Variants in CNTNAP2 observed in about 807,000 individuals in gnomAD.
CNTNAP2 encodes contactin-associated protein-like 2.
Under a neutral mutation model 155.2 loss-of-function variants are expected in CNTNAP2, and 98 were observed. That is an observed-to-expected ratio of 0.63 (90% CI 0.54 to 0.75). The LOEUF is 0.75. Ranked by LOEUF, CNTNAP2 falls within the 30% of genes least tolerant of loss-of-function variation. The pLI is 0.00. For missense variants in CNTNAP2, 1,727 were observed against 1,688.1 expected (o/e 1.02, Z -0.40); for synonymous variants, 651 against 631.2 (o/e 1.03, Z -0.47).
intron 8 of CNTNAP2, among the ~76,000 whole-genome samples, chr7:147,291,307 C>T (rs988858033): frequency 1.3e-5 from 2 of 152,048 alleles, no homozygotes; most frequent in Non-Finnish European, 2.9e-5. Flanking sequence ...TGTCCTAATG[C>T]TCTCCCTCCC....
intron 2 of CNTNAP2, among the ~76,000 whole-genome samples, chr7:146,784,982 TTTTTTTC>T (rs1338701751): frequency 1.3e-5 from 2 of 152,018 alleles, no homozygotes; most frequent in African/African-American, 4.8e-5. Context: ...GCTTTTTTTT[TTTTTTTC>T]TTTTAAGACA....
chr7:147,937,510 C>T (rs1317479625), intron 14 of CNTNAP2, among the ~76,000 whole-genome samples: 1 of 152,066 alleles, frequency 6.6e-6, no homozygotes, highest in Non-Finnish European at 1.5e-5. Flanking sequence ...TCATCTGAAC[C>T]CTCAGACTAT....
chr7:146,522,534 T>G (rs1314561825), intron 1 of CNTNAP2, among the ~76,000 whole-genome samples: 5 of 151,938 alleles, frequency 3.3e-5, no homozygotes, highest in African/African-American at 1.2e-4. Context: ...GATAATACCA[T>G]TTTTGAGCAG....
intron 12 of CNTNAP2, among the ~76,000 whole-genome samples, chr7:147,610,427 G>A (rs765535826): frequency 5.3e-5 from 8 of 152,088 alleles, no homozygotes; most frequent in Non-Finnish European, 8.8e-5. Flanking sequence ...TCCTAAGGCC[G>A]GTAATGGGAG....
chr7:147,126,096 A>T (rs1584859782), intron 6 of CNTNAP2, among the ~76,000 whole-genome samples: 1 of 152,172 alleles, frequency 6.6e-6, no homozygotes, highest in South Asian at 2.1e-4. Flanking sequence ...CAGCCCTTCC[A>T]CTTAAATATC....
intron 9 of CNTNAP2, among the ~76,000 whole-genome samples, chr7:147,361,709 T>G (rs563340532): frequency 6.6e-6 from 1 of 152,312 alleles, no homozygotes; most frequent in African/African-American, 2.4e-5. Context: ...CAAAGAATTT[T>G]GTCTGTTTTT....
intron 11 of CNTNAP2, among the ~76,000 whole-genome samples, chr7:147,500,053 C>G (rs1798781945): frequency 6.6e-6 from 1 of 151,372 alleles, no homozygotes; most frequent in African/African-American, 2.4e-5. Context: ...ATCAAAAGAA[C>G]AGTATTTTTT....
At chr7:147,765,378 A>G (rs1192416377) in intron 13 of CNTNAP2, among the ~76,000 whole-genome samples, 2 of 152,220 alleles carry the variant, frequency 1.3e-5, no homozygotes, top group Non-Finnish European at 2.9e-5. Context: ...AAAGTTTCAT[A>G]TCAATTAATC....
intron 22 of CNTNAP2, among the ~76,000 whole-genome samples, chr7:148,400,958 C>T (rs1045996133): frequency 1.4e-5 from 2 of 148,122 alleles, no homozygotes; most frequent in Non-Finnish European, 3.0e-5. Flanking sequence ...CCAGCCTGGG[C>T]GACAGAGTGA....
intron 2 of CNTNAP2, among the ~76,000 whole-genome samples, chr7:146,807,520 C>A (rs1802988952): frequency 6.6e-6 from 1 of 152,060 alleles, no homozygotes; most frequent in African/African-American, 2.4e-5. Flanking sequence ...ATTATTTGAT[C>A]AGTAAATCTA....
At chr7:147,786,228 C>T (rs1029180660) in intron 13 of CNTNAP2, among the ~76,000 whole-genome samples, 3 of 152,180 alleles carry the variant, frequency 2.0e-5, no homozygotes, top group African/African-American at 7.2e-5. Flanking sequence ...GCCAAGATTG[C>T]ACCACTGCAC....
intron 13 of CNTNAP2, among the ~76,000 whole-genome samples, chr7:147,830,301 A>G (rs1798527025): frequency 6.6e-6 from 1 of 151,996 alleles, no homozygotes. Flanking sequence ...TTTTCTGTTC[A>G]TAGATGGCTC....
intron 1 of CNTNAP2, among the ~76,000 whole-genome samples, chr7:146,424,456 A>G (rs1796059334): frequency 6.6e-6 from 1 of 152,166 alleles, no homozygotes; most frequent in African/African-American, 2.4e-5. Context: ...ACGTGTACGA[A>G]ATGTCTACTA....
chr7:146,789,634 T>C (rs1802636228), intron 2 of CNTNAP2, among the ~76,000 whole-genome samples: 1 of 151,084 alleles, frequency 6.6e-6, no homozygotes, highest in Non-Finnish European at 1.5e-5. Context: ...CTCTAAATAT[T>C]ATATATGTGG....
chr7:147,543,394 C>T (rs1799673038), intron 11 of CNTNAP2, among the ~76,000 whole-genome samples: 1 of 152,182 alleles, frequency 6.6e-6, no homozygotes, highest in Admixed American at 6.5e-5. Context: ...CCATTATGAA[C>T]ATGTTACAGT....
intron 1 of CNTNAP2, among the ~76,000 whole-genome samples, chr7:146,772,181 A>G (rs1175417277): frequency 6.6e-6 from 1 of 152,032 alleles, no homozygotes; most frequent in Non-Finnish European, 1.5e-5. Context: ...AACATAACAT[A>G]TATGTATTAT....
chr7:147,155,083 A>G (rs1163011408), intron 8 of CNTNAP2, among the ~76,000 whole-genome samples: 1 of 152,120 alleles, frequency 6.6e-6, no homozygotes, highest in Non-Finnish European at 1.5e-5. Flanking sequence ...TCCCTGCCAA[A>G]AGTCATGTTG....
intron 10 of CNTNAP2, among the ~76,000 whole-genome samples, chr7:147,478,750 C>T (rs1209404974): frequency 6.6e-6 from 1 of 152,150 alleles, no homozygotes; most frequent in Non-Finnish European, 1.5e-5. Flanking sequence ...GCCACAGGGC[C>T]ATGTAACTTA....
intron 17 of CNTNAP2, among the ~76,000 whole-genome samples, chr7:148,164,372 C>T (rs190851319): frequency 6.6e-6 from 1 of 152,130 alleles, no homozygotes; most frequent in Admixed American, 6.5e-5. Context: ...CACATAGCTG[C>T]TTTTGCCCCC....
Sources: allele counts gnomAD v4.1 joint callset (sites outside exome capture counted in the v4.1 genomes callset), GRCh38; gene constraint gnomAD v4.1.1; transcripts MANE v1.5; gene names NCBI Gene and HGNC (gene_info 2026-07-23, HGNC 2026-07-21).